Variants in CEP57 observed in about 807,000 individuals in gnomAD.
CEP57 encodes centrosomal protein of 57 kDa.
CEP57 carries 40 observed loss-of-function variants against 68.0 expected under a neutral mutation model. The observed-to-expected ratio is 0.59, with a 90% CI of 0.46 to 0.77. The LOEUF (loss-of-function observed/expected upper bound fraction) is 0.77, where lower values mean the gene tolerates loss of function less well. Ranked by LOEUF, CEP57 falls within the 30% of genes least tolerant of loss-of-function variation. The pLI is 0.00. For missense variants in CEP57, 606 were observed against 580.7 expected (o/e 1.04, Z -0.45); for synonymous variants, 219 against 198.7 (o/e 1.10, Z -0.86).
chr11:95,819,802 G>A (rs1862447798), intron 6 of CEP57, among the ~76,000 whole-genome samples: 1 of 152,144 alleles, frequency 6.6e-6, no homozygotes, highest in Non-Finnish European at 1.5e-5. Context: ...TCTTTGTTAT[G>A]TTGTCTATTT....
At position 95,799,002 on chromosome 11, in the gene CEP57, A is replaced by G. The variant is rs472231; in HGVS notation, c.46-230A>G. ...TATTTCTGCACAGCATTTGTATTCA[A>G]GTTGTATGAACATTATTTTCTTCTT... On this transcript the variant is annotated intron_variant, in intron 1 of 10. Coordinates refer to ENST00000325542, the MANE Select transcript of CEP57 (RefSeq NM_014679.5). 0.28 allele frequency among the ~76,000 whole-genome samples: 42,248 copies of G among 152,154 alleles called. 7,050 individuals carry two copies. Among genetic ancestry groups the G allele is most frequent in the Non-Finnish European group, 0.38 (25,802 of 67,964 alleles).
intron 5 of CEP57, among the ~76,000 whole-genome samples, 183 bp from the exon 6 acceptor site, chr11:95,818,644 A>C (rs1862401899): frequency 6.6e-6 from 1 of 152,186 alleles, no homozygotes; most frequent in Non-Finnish European, 1.5e-5. Context: ...ACAGATGATA[A>C]ATAATTGAAC....
intron 2 of CEP57, among the ~76,000 whole-genome samples, chr11:95,810,383 T>C (rs1283727381): frequency 6.6e-6 from 1 of 152,158 alleles, no homozygotes; most frequent in Non-Finnish European, 1.5e-5. Context: ...ATAAAGGGTA[T>C]TCAGTTAGGA....
chr11:95,822,898 TATCA>T (rs1208057924), intron 8 of CEP57: 7 of 339,280 alleles, frequency 2.1e-5, no homozygotes, highest in Non-Finnish European at 3.4e-5. Context: ...GGATTTTTAG[TATCA>T]ATCCTGTTGA....
intron 6 of CEP57, 136 bp from the exon 7 acceptor site, chr11:95,821,735 A>C: frequency 3.0e-6 from 2 of 659,378 alleles, no homozygotes; most frequent in Non-Finnish European, 5.5e-6. Flanking sequence ...GGTTCAAGAC[A>C]TAGTTATACA....
At chr11:95,791,071 T>C (rs1353852289) in intron 1 of CEP57, among the ~76,000 whole-genome samples, 1 of 152,210 alleles carries the variant, frequency 6.6e-6, no homozygotes, top group Non-Finnish European at 1.5e-5. Flanking sequence ...TGTAGCTCTT[T>C]TGGTCACGTG....
Position 95,831,451 on chromosome 11 carries a change from G to T in CEP57, c.*195G>T, listed in dbSNP as rs1471793508. 2.0e-6 allele frequency: 1 copy of T among 507,356 alleles called. No homozygotes were observed. Among genetic ancestry groups the T allele is most frequent in the Non-Finnish European group, 3.5e-6 (1 of 283,084 alleles). The allele number at this position is 507,356 out of a possible 1,614,324, so 31.4% of individuals were successfully genotyped here. A position where few individuals can be genotyped will look rare whatever the true frequency, so the allele number is the denominator to read the frequency against. ...TGTTAAAGCATTTAAATGGAAACCAGGGGAGTTTTAAAGCCCGAGAAACCA... is the reference window on the plus strand; with the variant it reads ...TGTTAAAGCATTTAAATGGAAACCATGGGAGTTTTAAAGCCCGAGAAACCA... On this transcript the variant is annotated 3_prime_UTR_variant, in exon 11 of 11. Coordinates refer to ENST00000325542, the MANE Select transcript of CEP57 (RefSeq NM_014679.5).
chr11:95,822,233 C>CT (rs1268704040), intron 7 of CEP57: 1 of 577,150 alleles, frequency 1.7e-6, no homozygotes, highest in Non-Finnish European at 3.1e-6. Context: ...ATCTTGTGCT[C>CT]TTACAATGTT....
At chr11:95,801,543 A>G (rs1252737047) in intron 2 of CEP57, among the ~76,000 whole-genome samples, 3 of 152,104 alleles carry the variant, frequency 2.0e-5, no homozygotes, top group Non-Finnish European at 4.4e-5. Flanking sequence ...AAAACAAAAT[A>G]TCCATTTACA....
At chr11:95,813,223 A>G (rs1040049527) in intron 3 of CEP57, 112 bp downstream of exon 3, 9 of 1,156,988 alleles carry the variant, frequency 7.8e-6, no homozygotes, top group Non-Finnish European at 1.1e-5. Flanking sequence ...AAGTACTACA[A>G]AACTGCATTG....
chr11:95,818,543 T>C (rs1439122295), intron 5 of CEP57, among the ~76,000 whole-genome samples: 1 of 152,204 alleles, frequency 6.6e-6, no homozygotes, highest in East Asian at 1.9e-4. Flanking sequence ...ATAATAAAGT[T>C]CCAGATTTAG....
intron 2 of CEP57, among the ~76,000 whole-genome samples, chr11:95,806,964 C>T (rs958837869): frequency 6.6e-6 from 1 of 152,208 alleles, no homozygotes; most frequent in Non-Finnish European, 1.5e-5. Flanking sequence ...TGGGAGATAC[C>T]TCCCAGTAGG....
chr11:95,827,874 G>C lies in CEP57; in HGVS notation c.974G>C (p.Arg325Pro), dbSNP rs1047306549. The C allele has an allele frequency of 6.2e-7, 1 of 1,613,920 alleles. No homozygotes were observed. The highest frequency in any genetic ancestry group is 1.7e-5 in the Admixed American group (1 of 59,996). The part of the protein sequence containing the change: ...KQHSKALCND[R>P]VINSIPLAKQ... ...CACAGTAAAGCTTTGTGCAATGATC[G>C]AGTCATCAACAGTATTCCTTTGGCA... The change falls in exon 9 of 11, where the codon CGA (arginine) becomes CCA (proline). Residue 325 changes from arginine (R) to proline (P), a missense_variant. Physicochemically the swap from Arg to Pro is moderately radical, Grantham distance 103. Transcript: ENST00000325542.
intron 4 of CEP57, among the ~76,000 whole-genome samples, chr11:95,814,288 A>T (rs1342227790): frequency 6.6e-6 from 1 of 150,872 alleles, no homozygotes; most frequent in East Asian, 1.9e-4. Context: ...GCCTCAAGTG[A>T]TCAGGCCGCC....
chr11:95,819,193 T>C (rs1485119379), intron 6 of CEP57, among the ~76,000 whole-genome samples: 1 of 152,236 alleles, frequency 6.6e-6, no homozygotes, highest in East Asian at 1.9e-4. Flanking sequence ...TATGTAATCA[T>C]GTAAAACTTC....
chr11:95,822,686 C>CCAGTGTGTGGATCATGCCTTTAT, intron 8 of CEP57, 110 bp downstream of exon 8: 1 of 1,015,610 alleles, frequency 9.8e-7, no homozygotes. Flanking sequence ...TGTGCCTTTA[C>CCAGTGTGTGGATCATGCCTTTAT]CAGTGTGTGG....
intron 2 of CEP57, among the ~76,000 whole-genome samples, chr11:95,809,285 TAAAAG>T (rs1290779964): frequency 2.0e-5 from 3 of 151,784 alleles, no homozygotes; most frequent in Non-Finnish European, 4.4e-5. Flanking sequence ...ACATCACAAT[TAAAAG>T]AACTAGAAAA....
intron 2 of CEP57, among the ~76,000 whole-genome samples, chr11:95,804,389 G>A (rs1365891702): frequency 6.6e-6 from 1 of 152,224 alleles, no homozygotes; most frequent in Non-Finnish European, 1.5e-5. Context: ...AAACCTTAGG[G>A]ACAGTATTAG....
At chr11:95,808,839 CT>C (rs1180654194) in intron 2 of CEP57, among the ~76,000 whole-genome samples, 1 of 152,214 alleles carries the variant, frequency 6.6e-6, no homozygotes, top group African/African-American at 2.4e-5. Flanking sequence ...GAACTTGGTT[CT>C]GCACCGAGCG....
Sources: allele counts gnomAD v4.1 joint callset (sites outside exome capture counted in the v4.1 genomes callset), GRCh38; gene constraint gnomAD v4.1.1; transcripts MANE v1.5; gene names NCBI Gene and HGNC (gene_info 2026-07-23, HGNC 2026-07-21).